The following VAX2 variants were observed in gnomAD, a reference collection of about 807,000 sequenced individuals.
The protein encoded by VAX2 is ventral anterior homeobox 2.
Under a neutral mutation model 12.5 loss-of-function variants are expected in VAX2, and 8 were observed. The observed-to-expected ratio is 0.64, with a 90% CI of 0.37 to 1.15. The LOEUF (loss-of-function observed/expected upper bound fraction) is 1.15, where lower values mean the gene tolerates loss of function less well. Among genes scored for constraint, VAX2 ranks in the 50% most tolerant of loss-of-function variants. VAX2 has a pLI of 0.01. For synonymous variants in VAX2, 183 were observed against 187.6 expected, an observed-to-expected ratio of 0.98 and a Z score of 0.20; for missense variants, 476 against 412.9, an observed-to-expected ratio of 1.15 and a Z score of -1.32.
chr2:70,902,771 C>G (rs955349565), intron 1 of VAX2, among the ~76,000 whole-genome samples: 1 of 152,210 alleles, frequency 6.6e-6, no homozygotes, highest in African/African-American at 2.4e-5. Context: ...TGGGGCCACC[C>G]AAGCTGGGAG....
chr2:70,931,738 G>A (rs1388278236), intron 2 of VAX2, among the ~76,000 whole-genome samples: 2 of 152,220 alleles, frequency 1.3e-5, no homozygotes, highest in Non-Finnish European at 2.9e-5. Context: ...TCTTCCCAAG[G>A]GCAGACCACA....
chr2:70,925,631 C>A (rs6733186), intron 2 of VAX2, among the ~76,000 whole-genome samples: 3,784 of 152,214 alleles, frequency 0.025, 168 homozygotes, highest in African/African-American at 0.086. Flanking sequence ...TGTCAGAGCT[C>A]TTTTGGGGGA....
chr2:70,903,923 G>A (rs1553410135), intron 1 of VAX2, among the ~76,000 whole-genome samples: 1 of 152,148 alleles, frequency 6.6e-6, no homozygotes, highest in Non-Finnish European at 1.5e-5. Context: ...AATCTCCTTG[G>A]TGGGACCCTT....
intron 2 of VAX2, among the ~76,000 whole-genome samples, chr2:70,925,015 G>A (rs1679537435): frequency 6.6e-6 from 1 of 152,220 alleles, no homozygotes; most frequent in African/African-American, 2.4e-5. Context: ...TGAGGAGCCA[G>A]AAGGAGACGT....
At chr2:70,901,366 C>G (rs10199905) in intron 1 of VAX2, among the ~76,000 whole-genome samples, 1,554 of 152,364 alleles carry the variant, frequency 0.01, 26 homozygotes, top group African/African-American at 0.036. Flanking sequence ...TCGGGACCCG[C>G]ACGGATTGCC....
Position 70,932,788 on chromosome 2 carries a change from C to T in VAX2, c.457C>T (p.Arg153Cys), listed in dbSNP as rs782124147. Residue 153 changes from arginine (R) to cysteine (C), a missense_variant, in exon 3 of 3, where the codon CGC becomes TGC. Arg to Cys is a radical substitution (Grantham distance 180). Transcript: ENST00000234392. ...ETQVKVWFQN[R>C]RTKQKKDQSR... Reference sequence around the variant, plus strand: ...CAAGGTGAAGGTCTGGTTCCAGAACCGCCGCACCAAGCAGAAGAAAGACCA... The same window carrying T: ...CAAGGTGAAGGTCTGGTTCCAGAACTGCCGCACCAAGCAGAAGAAAGACCA... The T allele has an allele frequency of 1.2e-5, 19 of 1,588,474 alleles. No homozygotes were observed. The highest frequency in any genetic ancestry group is 5.4e-5 in the African/African-American group (4 of 73,866).
intron 1 of VAX2, among the ~76,000 whole-genome samples, chr2:70,907,324 C>G (rs1363640008): frequency 2.6e-5 from 4 of 152,218 alleles, no homozygotes; most frequent in Non-Finnish European, 4.4e-5. Flanking sequence ...CTGGGCCGCT[C>G]GTAAAGTCAA....
At chr2:70,921,786 G>C (rs1679464536) in intron 2 of VAX2, among the ~76,000 whole-genome samples, 1 of 151,984 alleles carries the variant, frequency 6.6e-6, no homozygotes, top group Non-Finnish European at 1.5e-5. Context: ...GAAAGGAGGG[G>C]TCTGCACACC....
chr2:70,900,855 C>A lies in VAX2; in HGVS notation c.234C>A (p.Arg78=). The change falls in exon 1 of 3, where the codon CGC becomes CGA. Residue 78 remains arginine (R), a synonymous_variant. Coordinates refer to ENST00000234392, the MANE Select transcript of VAX2 (RefSeq NM_012476.3). ...PGPGEADHCR[R]ILVRDAKGTI... ...CCGGCGAGGCAGACCACTGCCGCCG[C>A]ATACTGGTGCGAGGTAAGGGGACAG... is the stretch of plus-strand genomic sequence containing the variant. 7.0e-7 allele frequency: 1 copy of A among 1,429,896 alleles called. No individual in the cohort carries two copies. The allele number at this position is 1,429,896 out of a possible 1,614,324, so 88.6% of individuals were successfully genotyped here.
intron 1 of VAX2, among the ~76,000 whole-genome samples, chr2:70,914,079 G>A (rs1045069363): frequency 6.6e-6 from 1 of 152,172 alleles, no homozygotes; most frequent in South Asian, 2.1e-4. Flanking sequence ...GTTTTGAGCA[G>A]TGCAGCAACA....
At chr2:70,909,272 C>A (rs371735601) in intron 1 of VAX2, among the ~76,000 whole-genome samples, 1 of 152,044 alleles carries the variant, frequency 6.6e-6, no homozygotes, top group Admixed American at 6.6e-5. Flanking sequence ...CTCAAGCAGT[C>A]CCCCCACCTC....
intron 2 of VAX2, among the ~76,000 whole-genome samples, chr2:70,931,734 C>T (rs1679699429): frequency 6.6e-6 from 1 of 152,246 alleles, no homozygotes; most frequent in African/African-American, 2.4e-5. Context: ...TCAGTCTTCC[C>T]AAGGGCAGAC....
At chr2:70,911,659 C>T (rs755964552) in intron 1 of VAX2, among the ~76,000 whole-genome samples, 2 of 152,188 alleles carry the variant, frequency 1.3e-5, no homozygotes, top group African/African-American at 4.8e-5. Flanking sequence ...TATCTCATTG[C>T]TGTTATAACT....
chr2:70,931,284 T>A (rs1159805498), intron 2 of VAX2, among the ~76,000 whole-genome samples: 1 of 152,232 alleles, frequency 6.6e-6, no homozygotes, highest in Non-Finnish European at 1.5e-5. Flanking sequence ...CTGGTGACTT[T>A]CTTCAGACTG....
In VAX2 at chr2:70,921,192, G is replaced by C. The variant is rs1679449048; in HGVS notation, c.342G>C (p.Leu114=). 7 of 1,613,582 alleles carry C rather than the reference G, an allele frequency of 4.3e-6. No individual in the cohort carries two copies. In the Admixed American group the frequency reaches 1.0e-4, roughly 23 times the overall value. The change falls in exon 2 of 3, where the codon CTG becomes CTC. Residue 114 remains leucine (L), a synonymous_variant. Coordinates refer to ENST00000234392, the MANE Select transcript of VAX2 (RefSeq NM_012476.3). ...GTACATCCTTCACTGCCGAGCAGCT[G>C]TACCGCCTGGAGATGGAGTTCCAGC... ...RTRTSFTAEQ[L]YRLEMEFQRC...
intron 2 of VAX2, among the ~76,000 whole-genome samples, chr2:70,927,167 C>T (rs908012773): frequency 6.6e-5 from 10 of 152,006 alleles, no homozygotes; most frequent in Non-Finnish European, 1.5e-4. Flanking sequence ...GCATCAAATG[C>T]TTGATATTTC....
Position 70,921,144 on chromosome 2 carries a change from C to T in VAX2, c.294C>T (p.Asp98=), listed in dbSNP as rs183938302. 2 of 1,612,594 alleles carry T rather than the reference C, an allele frequency of 1.2e-6. No homozygotes were observed. Among genetic ancestry groups the T allele is most frequent in the African/African-American group, 2.7e-5 (2 of 74,872 alleles). ...IREIVLPKGL[D]LDRPKRTRTS... Reference sequence around the variant, plus strand: ...AAATTGTCCTGCCTAAGGGCCTGGACCTGGACCGGCCCAAGCGGACACGTA... The same window carrying T: ...AAATTGTCCTGCCTAAGGGCCTGGATCTGGACCGGCCCAAGCGGACACGTA... Residue 98 remains aspartate, a synonymous_variant, in exon 2 of 3, where the codon GAC becomes GAT. Coordinates refer to ENST00000234392, the MANE Select transcript of VAX2 (RefSeq NM_012476.3).
chr2:70,925,102 G>A (rs1281589398), intron 2 of VAX2, among the ~76,000 whole-genome samples: 1 of 152,230 alleles, frequency 6.6e-6, no homozygotes, highest in Non-Finnish European at 1.5e-5. Flanking sequence ...GAAGGCCAGA[G>A]TGGCTGGAGC....
At chr2:70,930,133 G>A (rs1336541022) in intron 2 of VAX2, among the ~76,000 whole-genome samples, 1 of 152,192 alleles carries the variant, frequency 6.6e-6, no homozygotes, top group Non-Finnish European at 1.5e-5. Context: ...AGGATTTTGA[G>A]GCTGCAGTGA....
Sources: allele counts gnomAD v4.1 joint callset (sites outside exome capture counted in the v4.1 genomes callset), GRCh38; gene constraint gnomAD v4.1.1; transcripts MANE v1.5; gene names NCBI Gene and HGNC (gene_info 2026-07-23, HGNC 2026-07-21).